Variants in BRINP3 observed in about 807,000 individuals in gnomAD.
BRINP3 encodes the protein BMP/retinoic acid inducible neural specific 3.
BRINP3 carries 19 observed loss-of-function variants against 71.0 expected under a neutral mutation model. The observed-to-expected ratio is 0.27, with a 90% CI of 0.19 to 0.39. BRINP3 has a LOEUF of 0.39. BRINP3 is among the 10% of genes least tolerant of loss of function. BRINP3 has a pLI of 1.00. For synonymous variants in BRINP3, 380 were observed against 337.7 expected (o/e 1.13, Z -1.37); for missense variants, 959 against 940.8 (o/e 1.02, Z -0.25).
intron 6 of BRINP3, among the ~76,000 whole-genome samples, chr1:190,212,450 C>T (rs961590910): frequency 3.9e-5 from 6 of 151,942 alleles, no homozygotes; most frequent in Non-Finnish European, 4.4e-5. Flanking sequence ...CTCATTTTCC[C>T]GCAAGTATAG....
chr1:190,175,297 A>G (rs951066187), intron 6 of BRINP3, among the ~76,000 whole-genome samples: 1 of 152,224 alleles, frequency 6.6e-6, no homozygotes, highest in Non-Finnish European at 1.5e-5. Flanking sequence ...ATAAATGTTC[A>G]GTAAAATAAT....
chr1:190,304,850 T>G (rs1160417279), intron 2 of BRINP3, among the ~76,000 whole-genome samples: 1 of 151,902 alleles, frequency 6.6e-6, no homozygotes, highest in Non-Finnish European at 1.5e-5. Context: ...AGAAAATATC[T>G]GCAAACCATC....
chr1:190,434,552 A>G (rs1399869835), intron 2 of BRINP3, among the ~76,000 whole-genome samples: 1 of 151,982 alleles, frequency 6.6e-6, no homozygotes, highest in Non-Finnish European at 1.5e-5. Flanking sequence ...AATGATAGGC[A>G]TTACACTATA....
At chr1:190,316,920 C>A (rs1200110328) in intron 2 of BRINP3, among the ~76,000 whole-genome samples, 1 of 151,880 alleles carries the variant, frequency 6.6e-6, no homozygotes, top group East Asian at 1.9e-4. Flanking sequence ...TGCCTGTAAC[C>A]CTAGCATTTT....
intron 2 of BRINP3, among the ~76,000 whole-genome samples, chr1:190,371,114 A>T (rs192198034): frequency 1.4e-4 from 22 of 152,180 alleles, no homozygotes; most frequent in Admixed American, 3.9e-4. Context: ...TATTTTATCC[A>T]AATTTGTAGG....
chr1:190,318,609 A>AT (rs972275542), intron 2 of BRINP3, among the ~76,000 whole-genome samples: 13 of 151,696 alleles, frequency 8.6e-5, no homozygotes, highest in African/African-American at 2.2e-4. Context: ...ATGGGTCCCT[A>AT]TTTTTTTTCC....
At chr1:190,193,328 A>G (rs1411654746) in intron 6 of BRINP3, among the ~76,000 whole-genome samples, 1 of 152,106 alleles carries the variant, frequency 6.6e-6, no homozygotes, top group Non-Finnish European at 1.5e-5. Flanking sequence ...CCCAAGCAGG[A>G]ATTTCTGCAA....
chr1:190,106,066 C>A (rs987854477), intron 7 of BRINP3, among the ~76,000 whole-genome samples: 1 of 151,822 alleles, frequency 6.6e-6, no homozygotes, highest in African/African-American at 2.4e-5. Flanking sequence ...TAGGCAAGTT[C>A]ATGCTGTTAA....
intron 2 of BRINP3, among the ~76,000 whole-genome samples, chr1:190,307,773 A>G (rs1344914679): frequency 6.6e-6 from 1 of 152,020 alleles, no homozygotes; most frequent in Non-Finnish European, 1.5e-5. Flanking sequence ...TGTACTTTAC[A>G]ACACTAACAA....
intron 2 of BRINP3, among the ~76,000 whole-genome samples, chr1:190,287,081 GC>G (rs1399157433): frequency 6.7e-6 from 1 of 149,288 alleles, no homozygotes; most frequent in African/African-American, 2.5e-5. Context: ...AAAAAAAATA[GC>G]CGACTGTGGT....
chr1:190,367,543 A>G (rs143414016), intron 2 of BRINP3, among the ~76,000 whole-genome samples: 152 of 152,238 alleles, frequency 1.0e-3, no homozygotes, highest in African/African-American at 3.5e-3. Context: ...ACTTACGCAA[A>G]TTTCTGCAGC....
Position 190,375,280 on chromosome 1 carries a change from T to C in BRINP3, c.236+79375A>G, listed in dbSNP as rs796518945. Among the ~76,000 whole-genome samples the C allele has an allele frequency of 6.2e-4, 94 of 152,010 alleles. 1 individual carries two copies. Among genetic ancestry groups the C allele is most frequent in the African/African-American group, 2.0e-3 (85 of 41,550 alleles). ...GTATATATTTGTATATGTAAATGTGTATATGTATACATATAAATATATGTG... is the reference window on the plus strand; with the variant it reads ...GTATATATTTGTATATGTAAATGTGCATATGTATACATATAAATATATGTG... On this transcript the variant is annotated intron_variant, in intron 2 of 7. Transcript: ENST00000367462.
chr1:190,279,921 A>G (rs1489462648), intron 3 of BRINP3, among the ~76,000 whole-genome samples: 1 of 151,916 alleles, frequency 6.6e-6, no homozygotes, highest in East Asian at 1.9e-4. Context: ...AAGAAAGTGT[A>G]GTTTTACTTG....
At chr1:190,373,947 G>A (rs549244925) in intron 2 of BRINP3, among the ~76,000 whole-genome samples, 4 of 151,060 alleles carry the variant, frequency 2.6e-5, no homozygotes, top group Non-Finnish European at 4.4e-5. Context: ...GTAGTGTAGC[G>A]TAGCCCAAGA....
intron 6 of BRINP3, among the ~76,000 whole-genome samples, chr1:190,170,028 A>C (rs924931315): frequency 7.9e-5 from 12 of 152,170 alleles, no homozygotes; most frequent in Admixed American, 2.0e-4. Context: ...AGTCTGAAAA[A>C]AGTAAGGCTC....
chr1:190,233,304 GC>G (rs1365320281), intron 5 of BRINP3, among the ~76,000 whole-genome samples: 1 of 151,908 alleles, frequency 6.6e-6, no homozygotes, highest in Non-Finnish European at 1.5e-5. Context: ...CAATCCTCCT[GC>G]CTCAGCCTCC....
At position 190,467,762 on chromosome 1, in the gene BRINP3, A is replaced by C. The variant is rs80116740; in HGVS notation, c.-51+9686T>G. Among the ~76,000 whole-genome samples the C allele has an allele frequency of 3.2e-3, 487 of 151,714 alleles. 2 individuals carry two copies. Among genetic ancestry groups the C allele is most frequent in the Non-Finnish European group, 5.8e-3 (393 of 67,592 alleles). Reference sequence around the variant, plus strand: ...CTAAAATAGCCCAAACTGTCTTCAAACTCAAAAGGTTATGAGGTACTATTT... The same window carrying C: ...CTAAAATAGCCCAAACTGTCTTCAACCTCAAAAGGTTATGAGGTACTATTT... On this transcript the variant is annotated intron_variant, in intron 1 of 7. Coordinates refer to ENST00000367462, the MANE Select transcript of BRINP3 (RefSeq NM_199051.3).
intron 2 of BRINP3, among the ~76,000 whole-genome samples, chr1:190,402,097 A>G (rs1671964843): frequency 6.6e-6 from 1 of 152,110 alleles, no homozygotes; most frequent in African/African-American, 2.4e-5. Flanking sequence ...TTATCACTAG[A>G]AGAATAATCT....
chr1:190,268,497 C>T (rs1037972120), intron 3 of BRINP3, among the ~76,000 whole-genome samples: 3 of 152,056 alleles, frequency 2.0e-5, no homozygotes, highest in Admixed American at 2.0e-4. Flanking sequence ...AAAATCAGAA[C>T]CAGACAAACA....
Sources: allele counts gnomAD v4.1 joint callset (sites outside exome capture counted in the v4.1 genomes callset), GRCh38; gene constraint gnomAD v4.1.1; transcripts MANE v1.5; gene names NCBI Gene and HGNC (gene_info 2026-07-23, HGNC 2026-07-21).